The following ZNF804B variants were observed in gnomAD, a reference collection of about 807,000 sequenced individuals.
ZNF804B encodes the protein zinc finger 804B.
Under a neutral mutation model 101.4 loss-of-function variants are expected in ZNF804B, and 80 were observed. The ratio of observed to expected loss-of-function variants is 0.79; its 90% confidence interval spans 0.66 to 0.95. The LOEUF (loss-of-function observed/expected upper bound fraction) is 0.95, where lower values mean the gene tolerates loss of function less well. ZNF804B is among the 40% of genes least tolerant of loss of function. The pLI is 0.00. For synonymous variants in ZNF804B, 622 were observed against 558.8 expected, an observed-to-expected ratio of 1.11 and a Z score of -1.59; for missense variants, 1,673 against 1,561.9, an observed-to-expected ratio of 1.07 and a Z score of -1.20.
intron 1 of ZNF804B, among the ~76,000 whole-genome samples, chr7:88,763,927 C>T (rs1789939901): frequency 6.6e-6 from 1 of 152,088 alleles, no homozygotes; most frequent in Non-Finnish European, 1.5e-5. Context: ...TCCACATGGG[C>T]TGCTCTGAAA....
intron 1 of ZNF804B, among the ~76,000 whole-genome samples, chr7:88,914,141 T>C (rs1216306795): frequency 6.6e-6 from 1 of 152,202 alleles, no homozygotes; most frequent in Non-Finnish European, 1.5e-5. Flanking sequence ...AATTCCCTTA[T>C]ATCAGTTCAC....
At chr7:89,019,994 CTCA>C (rs1788639387) in intron 1 of ZNF804B, among the ~76,000 whole-genome samples, 1 of 151,966 alleles carries the variant, frequency 6.6e-6, no homozygotes, top group South Asian at 2.1e-4. Flanking sequence ...TTATTCTTTT[CTCA>C]TCATTTCGCT....
Position 89,295,046 on chromosome 7 carries a change from G to A in ZNF804B, c.250-32298G>A, listed in dbSNP as rs568297205. ...CAATTCTTGGCAGTATATAATTTTT[G>A]TATTTGAGAATTCCTGCTGCCTATT... On this transcript the variant is annotated intron_variant, in intron 2 of 3. Coordinates refer to ENST00000333190, the MANE Select transcript of ZNF804B (RefSeq NM_181646.5). 2.5e-4 allele frequency among the ~76,000 whole-genome samples: 38 copies of A among 152,152 alleles called. No individual in the cohort carries two copies. In the South Asian group the frequency reaches 7.5e-3, roughly 30 times the overall value.
intron 2 of ZNF804B, among the ~76,000 whole-genome samples, chr7:89,244,749 G>T (rs1013242367): frequency 6.6e-6 from 1 of 152,104 alleles, no homozygotes. Flanking sequence ...AAAGGAGATG[G>T]TGCAAAACTA....
In ZNF804B at chr7:88,768,737, C is replaced by T. The variant is rs1417813710; in HGVS notation, c.108+8653C>T. Among the ~76,000 whole-genome samples the T allele has an allele frequency of 2.6e-5, 4 of 152,186 alleles. No homozygotes were observed. The East Asian group carries it at 7.7e-4, about 29-fold the overall frequency. On this transcript the variant is annotated intron_variant, in intron 1 of 3. Coordinates refer to ENST00000333190, the MANE Select transcript of ZNF804B (RefSeq NM_181646.5). ...TGTCTCAGAAAACAAACAAACAAAACTTACAAATACTGATTTTTATGTGTT... is the reference window on the plus strand; with the variant it reads ...TGTCTCAGAAAACAAACAAACAAAATTTACAAATACTGATTTTTATGTGTT...
chr7:88,799,366 A>C (rs2115705981), intron 1 of ZNF804B, among the ~76,000 whole-genome samples: 1 of 152,142 alleles, frequency 6.6e-6, no homozygotes, highest in East Asian at 1.9e-4. Flanking sequence ...AGGAAACCAA[A>C]ATTTAGAGTA....
chr7:89,324,826 G>T (rs1210718971), intron 2 of ZNF804B, among the ~76,000 whole-genome samples: 1 of 150,996 alleles, frequency 6.6e-6, no homozygotes, highest in East Asian at 1.9e-4. Context: ...ATTTCTGTTG[G>T]CTATTTTTTT....
intron 2 of ZNF804B, among the ~76,000 whole-genome samples, chr7:89,227,789 AC>A (rs1435571278): frequency 6.6e-6 from 1 of 152,208 alleles, no homozygotes; most frequent in African/African-American, 2.4e-5. Flanking sequence ...AATACTCCTA[AC>A]ACATTAACAG....
intron 1 of ZNF804B, among the ~76,000 whole-genome samples, chr7:89,165,818 C>G (rs1791132985): frequency 6.6e-6 from 1 of 151,978 alleles, no homozygotes; most frequent in Non-Finnish European, 1.5e-5. Context: ...GCCAAACATA[C>G]AATTATGCTG....
chr7:89,163,777 A>G (rs1432811030), intron 1 of ZNF804B, among the ~76,000 whole-genome samples: 2 of 152,128 alleles, frequency 1.3e-5, no homozygotes, highest in Admixed American at 1.3e-4. Context: ...TTCTGCATAG[A>G]TCTTCAGTTG....
chr7:89,193,824 G>A (rs1051165429), intron 1 of ZNF804B, among the ~76,000 whole-genome samples: 7 of 151,764 alleles, frequency 4.6e-5, no homozygotes, highest in Non-Finnish European at 8.9e-5. Flanking sequence ...TTGGGTATAT[G>A]CCCAGTAACG....
At chr7:88,858,146 C>G (rs565813006) in intron 1 of ZNF804B, among the ~76,000 whole-genome samples, 98 of 152,212 alleles carry the variant, frequency 6.4e-4, no homozygotes, top group South Asian at 2.3e-3. Context: ...CTATAATTAT[C>G]TATCTCTCTT....
At chr7:89,209,235 A>C (rs973090050) in intron 1 of ZNF804B, among the ~76,000 whole-genome samples, 6 of 152,110 alleles carry the variant, frequency 3.9e-5, no homozygotes, top group Non-Finnish European at 8.8e-5. Flanking sequence ...CGCCACCGAG[A>C]GACAATTTCA....
intron 1 of ZNF804B, among the ~76,000 whole-genome samples, chr7:88,966,690 A>C (rs978621883): frequency 6.6e-6 from 1 of 151,246 alleles, no homozygotes; most frequent in Non-Finnish European, 1.5e-5. Flanking sequence ...CTGTATGTGA[A>C]GTTGAGGGTA....
chr7:89,000,432 A>C (rs1192126103), intron 1 of ZNF804B, among the ~76,000 whole-genome samples: 1 of 151,952 alleles, frequency 6.6e-6, no homozygotes, highest in African/African-American at 2.4e-5. Flanking sequence ...TTACTTATTC[A>C]TTTTAACTGT....
chr7:88,968,551 G>C (rs1793488939), intron 1 of ZNF804B, among the ~76,000 whole-genome samples: 1 of 151,620 alleles, frequency 6.6e-6, no homozygotes. Context: ...TGTTGAGACT[G>C]ATATGGTGAG....
At chr7:89,249,173 G>A (rs2115783304) in intron 2 of ZNF804B, among the ~76,000 whole-genome samples, 1 of 152,214 alleles carries the variant, frequency 6.6e-6, no homozygotes, top group Non-Finnish European at 1.5e-5. Flanking sequence ...CCTATGGAAA[G>A]ATGTAGATAG....
rs563406179 is a variant in ZNF804B, at chr7:89,285,345, A to T, written c.250-41999A>T. On this transcript the variant is annotated intron_variant, in intron 2 of 3. Coordinates refer to ENST00000333190, the MANE Select transcript of ZNF804B (RefSeq NM_181646.5). ...AGACCATCCTGACTAACACGATGAA[A>T]CCCCGTCTCTACTAAAAATACAAAA... 2.6e-4 allele frequency among the ~76,000 whole-genome samples: 39 copies of T among 150,872 alleles called. No individual in the cohort carries two copies. The South Asian group carries it at 8.0e-3, about 31-fold the overall frequency.
chr7:88,926,980 C>T (rs1390530281), intron 1 of ZNF804B, among the ~76,000 whole-genome samples: 1 of 149,314 alleles, frequency 6.7e-6, no homozygotes, highest in East Asian at 2.1e-4. Context: ...TGTACAAGTG[C>T]AGGGCTCCTC....
Sources: allele counts gnomAD v4.1 joint callset (sites outside exome capture counted in the v4.1 genomes callset), GRCh38; gene constraint gnomAD v4.1.1; transcripts MANE v1.5; gene names NCBI Gene and HGNC (gene_info 2026-07-23, HGNC 2026-07-21).